Variants in GPR39 observed in about 807,000 individuals in gnomAD.
GPR39 encodes G protein-coupled receptor 39, also known as zinc sensing receptor.
Under a neutral mutation model 18.4 loss-of-function variants are expected in GPR39, and 23 were observed. The ratio of observed to expected loss-of-function variants is 1.25; its 90% confidence interval spans 0.90 to 1.77. GPR39 has a LOEUF of 1.77. Ranked by LOEUF, GPR39 falls within the 40% of genes most tolerant of loss-of-function variation. The pLI, the probability that GPR39 is intolerant of heterozygous loss-of-function variation, is 0.00. For missense variants in GPR39, 647 were observed against 602.4 expected, an observed-to-expected ratio of 1.07 and a Z score of -0.78; for synonymous variants, 280 against 257.9, an observed-to-expected ratio of 1.09 and a Z score of -0.82.
At chr2:132,602,872 A>G (rs1244964556) in intron 1 of GPR39, among the ~76,000 whole-genome samples, 6 of 2,638 alleles carry the variant, frequency 2.3e-3, no homozygotes, top group African/African-American at 2.5e-3. Flanking sequence ...TTAAAAAGAG[A>G]AAAAAAAAAA....
intron 1 of GPR39, among the ~76,000 whole-genome samples, chr2:132,483,758 C>T (rs1357830775): frequency 3.3e-5 from 5 of 152,078 alleles, no homozygotes; most frequent in Non-Finnish European, 5.9e-5. Flanking sequence ...CATTCTCAGC[C>T]AGGGCCTAGG....
intron 1 of GPR39, among the ~76,000 whole-genome samples, chr2:132,633,338 C>CTG (rs55722602): frequency 0.22 from 30,220 of 138,766 alleles, 3,359 homozygotes; most frequent in Non-Finnish European, 0.27. Flanking sequence ...CCAAATACCT[C>CTG]TGTGTGTGTG....
intron 1 of GPR39, among the ~76,000 whole-genome samples, chr2:132,587,970 TTCA>T (rs1160661706): frequency 1.3e-5 from 2 of 152,194 alleles, no homozygotes; most frequent in Non-Finnish European, 2.9e-5. Context: ...AGCTTTAAGG[TTCA>T]TGAGTTTCAT....
At position 132,646,013 on chromosome 2, in the gene GPR39, C is replaced by G; in HGVS notation, c.*407C>G. 1.4e-6 allele frequency: 2 copies of G among 1,468,438 alleles called. No individual in the cohort carries two copies. Among genetic ancestry groups the G allele is most frequent in the Non-Finnish European group, 1.8e-6 (2 of 1,096,006 alleles). The allele number at this position is 1,468,438 out of a possible 1,614,324, so 91.0% of individuals were successfully genotyped here. On this transcript the variant is annotated 3_prime_UTR_variant, in exon 2 of 2. Transcript: ENST00000329321. The stretch of plus-strand genomic sequence containing the variant: ...GGGTTGGGGGCGAGGGCTGGAAGAA[C>G]AATGCAGGAGGGGGTGGCATCTCCT...
At chr2:132,567,212 C>T (rs1483841905) in intron 1 of GPR39, among the ~76,000 whole-genome samples, 2 of 152,182 alleles carry the variant, frequency 1.3e-5, no homozygotes, top group African/African-American at 4.8e-5. Context: ...ATCTCAGCTA[C>T]TCAGGAGGCT....
chr2:132,546,992 G>A (rs529755504), intron 1 of GPR39, among the ~76,000 whole-genome samples: 2 of 152,202 alleles, frequency 1.3e-5, no homozygotes, highest in Non-Finnish European at 1.5e-5. Context: ...TTAATTCAAG[G>A]GGGTATTTTC....
At chr2:132,471,652 GTTTT>G (rs60886637) in intron 1 of GPR39, among the ~76,000 whole-genome samples, 1 of 138,476 alleles carries the variant, frequency 7.2e-6, no homozygotes. Context: ...CCAGCAAGGA[GTTTT>G]TTTTTTTTTT....
chr2:132,627,949 G>C (rs914590196), intron 1 of GPR39, among the ~76,000 whole-genome samples: 2 of 152,198 alleles, frequency 1.3e-5, no homozygotes, highest in Non-Finnish European at 2.9e-5. Context: ...GTGAGGGCAG[G>C]TGACTGGCTG....
intron 1 of GPR39, among the ~76,000 whole-genome samples, chr2:132,532,771 A>G (rs1167486641): frequency 6.6e-6 from 1 of 151,836 alleles, no homozygotes; most frequent in East Asian, 1.9e-4. Flanking sequence ...TAGATGCAGA[A>G]AAGGCCTTTG....
At chr2:132,456,575 G>A (rs7556807) in intron 1 of GPR39, among the ~76,000 whole-genome samples, 76,166 of 151,984 alleles carry the variant, frequency 0.5, 20,846 homozygotes, top group Non-Finnish European at 0.62. Context: ...TCATAGCATC[G>A]ATGGTCTTTT....
At chr2:132,534,193 C>T (rs1679698041) in intron 1 of GPR39, among the ~76,000 whole-genome samples, 2 of 152,144 alleles carry the variant, frequency 1.3e-5, no homozygotes, top group Non-Finnish European at 2.9e-5. Context: ...TGAACAGACA[C>T]TTCTCAAAAG....
At chr2:132,424,497 C>T (rs541800893) in intron 1 of GPR39, among the ~76,000 whole-genome samples, 68 of 152,260 alleles carry the variant, frequency 4.5e-4, no homozygotes, top group Non-Finnish European at 6.5e-4. Context: ...GAATTACTGA[C>T]CTCTTTAGCT....
Position 132,425,795 on chromosome 2 carries a change from G to A in GPR39, c.856+7897G>A, listed in dbSNP as rs114368764. ...CTCTGTTGCTGGCTTTGGAGATGGA[G>A]GGAGCTGGCAGAGAATATAGGTAGG... On this transcript the variant is annotated intron_variant, in intron 1 of 1. Coordinates refer to ENST00000329321, the MANE Select transcript of GPR39 (RefSeq NM_001508.3). 4.1e-3 allele frequency among the ~76,000 whole-genome samples: 626 copies of A among 152,184 alleles called. 3 individuals carry two copies. Among genetic ancestry groups the A allele is most frequent in the African/African-American group, 0.014 (569 of 41,516 alleles).
chr2:132,531,445 C>T lies in GPR39; in HGVS notation c.856+113547C>T, dbSNP rs1182171978. 9.2e-5 allele frequency among the ~76,000 whole-genome samples: 14 copies of T among 152,240 alleles called. No homozygotes were observed. In the East Asian group the frequency reaches 9.7e-4, roughly 10 times the overall value. On this transcript the variant is annotated intron_variant, in intron 1 of 1. Transcript: ENST00000329321. ...CCACTGTCAACATTAGACAGATCAA[C>T]GAGACAGAAAGTTAACAAGGATATC...
intron 1 of GPR39, among the ~76,000 whole-genome samples, chr2:132,558,330 T>C (rs1680190934): frequency 6.6e-6 from 1 of 152,160 alleles, no homozygotes. Context: ...TGGAGCCTCA[T>C]GGGGGAGGCT....
chr2:132,530,977 T>C (rs957348948), intron 1 of GPR39, among the ~76,000 whole-genome samples: 2 of 152,202 alleles, frequency 1.3e-5, no homozygotes, highest in African/African-American at 4.8e-5. Context: ...AACATCATAA[T>C]GACAGGATCA....
At chr2:132,632,674 A>G (rs930075496) in intron 1 of GPR39, among the ~76,000 whole-genome samples, 2 of 152,160 alleles carry the variant, frequency 1.3e-5, no homozygotes, top group African/African-American at 4.8e-5. Context: ...TTCTATTTGT[A>G]TAAGCATTGA....
At position 132,454,108 on chromosome 2, in the gene GPR39, C is replaced by T. The variant is rs144948590; in HGVS notation, c.856+36210C>T. Among the ~76,000 whole-genome samples, 386 of 152,256 alleles carry T rather than the reference C, an allele frequency of 2.5e-3. 1 individual carries two copies. Among genetic ancestry groups the T allele is most frequent in the African/African-American group, 8.7e-3 (362 of 41,540 alleles). On this transcript the variant is annotated intron_variant, in intron 1 of 1. Transcript: ENST00000329321. ...TTTCATGATATTGATTCTTCCTATC[C>T]ATGATCATGGAATGTTCTTCCATTT...
chr2:132,594,558 GTTAT>G (rs1441166881), intron 1 of GPR39, among the ~76,000 whole-genome samples: 1 of 152,010 alleles, frequency 6.6e-6, no homozygotes, highest in Non-Finnish European at 1.5e-5. Flanking sequence ...AATTGAAACA[GTTAT>G]TCAGAAAATT....
Sources: gnomAD v4.1 joint callset for allele counts (sites outside exome capture counted in the v4.1 genomes callset) on GRCh38, gnomAD v4.1.1 for gene constraint, MANE v1.5 for transcripts, NCBI Gene and HGNC (gene_info 2026-07-23, HGNC 2026-07-21) for gene names.